Variants in MBOAT7 observed in about 807,000 individuals in gnomAD.
The protein encoded by MBOAT7 is membrane-bound acylglycerophosphatidylinositol O-acyltransferase MBOAT7.
MBOAT7 carries 40 observed loss-of-function variants against 47.4 expected under a neutral mutation model. That is an observed-to-expected ratio of 0.84 (90% CI 0.66 to 1.10). MBOAT7 has a LOEUF of 1.10. Among genes scored for constraint, MBOAT7 ranks in the 50% least tolerant of loss-of-function variants. MBOAT7 has a pLI of 0.00. For synonymous variants in MBOAT7, 361 were observed against 292.0 expected (o/e 1.24, Z -2.41); for missense variants, 680 against 655.6 (o/e 1.04, Z -0.41).
Position 54,174,011 on chromosome 19 carries a change from G to T in MBOAT7, c.*33C>A. ...CAGCAGCCTGGTTCACAGAATTCCCGGGACCAGCTGGCAGAGGGAGCGTCG... is the reference window on the plus strand; with the variant it reads ...CAGCAGCCTGGTTCACAGAATTCCCTGGACCAGCTGGCAGAGGGAGCGTCG... On this transcript the variant is annotated 3_prime_UTR_variant, in exon 8 of 8. Transcript: ENST00000245615. The T allele has an allele frequency of 6.5e-7, 1 of 1,537,830 alleles. No homozygotes were observed. The highest frequency in any genetic ancestry group is 8.7e-7 in the Non-Finnish European group (1 of 1,147,038).
chr19:54,179,192 C>T, intron 6 of MBOAT7: 1 of 572,378 alleles, frequency 1.7e-6, no homozygotes, highest in Non-Finnish European at 3.1e-6. Flanking sequence ...CCTAATGGGG[C>T]CCGCCACAGC....
chr19:54,173,479 A>G lies in MBOAT7; in HGVS notation c.*565T>C. ...GACCTGTCATAGGCCAAGCGATGAG[A>G]AGAGGGCGCCAGGAGTGCTGGGGTC... On this transcript the variant is annotated 3_prime_UTR_variant, in exon 8 of 8. Transcript: ENST00000245615. 1 of 200,076 alleles carries G rather than the reference A, an allele frequency of 5.0e-6. No individual in the cohort carries two copies. Among genetic ancestry groups the G allele is most frequent in the Non-Finnish European group, 1.0e-5 (1 of 98,202 alleles). 12.4% of individuals were successfully genotyped at this position (200,076 alleles called of 1,614,324 possible).
In MBOAT7 at chr19:54,176,758, G is replaced by A. The variant is rs762369530; in HGVS notation, c.1031+2007C>T. On this transcript the variant is annotated intron_variant, in intron 7 of 7. Coordinates refer to ENST00000245615, the MANE Select transcript of MBOAT7 (RefSeq NM_024298.5). ...TGGCCTCAGCCCCAGAGCTTTAAGC[G>A]TCATCTATACCTGGCCAGATGCAGT... Among the ~76,000 whole-genome samples, 16 of 152,074 alleles carry A rather than the reference G, an allele frequency of 1.1e-4. No individual in the cohort carries two copies. In the East Asian group the frequency reaches 1.2e-3, roughly 11 times the overall value.
Position 54,180,611 on chromosome 19 carries a change from G to T in MBOAT7, c.854+162C>A, listed in dbSNP as rs1249156039. The T allele has an allele frequency of 1.5e-6, 1 of 659,720 alleles. No homozygotes were observed. Among genetic ancestry groups the T allele is most frequent in the Non-Finnish European group, 2.5e-6 (1 of 400,492 alleles). The allele number at this position is 659,720 out of a possible 1,614,324, so 40.9% of individuals were successfully genotyped here. On this transcript the variant is annotated intron_variant, in intron 6 of 7. Transcript: ENST00000245615. The surrounding 1 kb of genome is among the most constrained non-coding windows in gnomAD (Gnocchi z 5.2). ...CAGTACCAGGGATCTTTTCCCTACC[G>T]ACAGGGGCTGGCAGGCCATGGTTGC...
At chr19:54,175,014 C>A (rs1347856997) in intron 7 of MBOAT7, among the ~76,000 whole-genome samples, 1 of 140,312 alleles carries the variant, frequency 7.1e-6, no homozygotes, top group African/African-American at 2.7e-5. Context: ...CTCGCTCTGT[C>A]GCCCAGGCTA....
chr19:54,177,814 C>T (rs1234826143), intron 7 of MBOAT7, among the ~76,000 whole-genome samples: 2 of 150,522 alleles, frequency 1.3e-5, no homozygotes, highest in East Asian at 3.9e-4. Context: ...ATTGCCCTGA[C>T]CTCAAGATGA....
chr19:54,178,310 G>A lies in MBOAT7; in HGVS notation c.1031+455C>T, dbSNP rs1600641173. On this transcript the variant is annotated intron_variant, in intron 7 of 7. Transcript: ENST00000245615. ...GAAAAACAATAAAAATGAATACACA[G>A]CACGCACTTACCTGTCAGGCCTCAC... 4.9e-6 allele frequency: 5 copies of A among 1,027,504 alleles called. No individual in the cohort carries two copies. The East Asian group carries it at 4.4e-4, about 90-fold the overall frequency. 63.6% of individuals were successfully genotyped at this position (1,027,504 alleles called of 1,614,324 possible).
intron 5 of MBOAT7, among the ~76,000 whole-genome samples, chr19:54,182,371 G>A (rs1461110859): frequency 6.6e-6 from 1 of 152,174 alleles, no homozygotes; most frequent in Non-Finnish European, 1.5e-5. Context: ...AGGGATGGAT[G>A]GAGGTTTGTG....
intron 7 of MBOAT7, among the ~76,000 whole-genome samples, chr19:54,176,386 T>C (rs1438225510): frequency 6.6e-6 from 1 of 151,984 alleles, no homozygotes; most frequent in Non-Finnish European, 1.5e-5. Context: ...TCCCAGCACT[T>C]TGGGAGGCTA....
In MBOAT7 at chr19:54,188,288, G is replaced by A. The variant is rs918127608; in HGVS notation, c.135C>T (p.Thr45=). ...AAVGLGLTLF[T]CGPHTLHSLV... is the part of the protein sequence containing the mutation. ...GAGAATGCAAAGTGTGGGGGCCACA[G>A]GTGAACAGGGTGAGCCCCAGGCCCA... Residue 45 remains threonine, a synonymous_variant, in exon 3 of 8, where the codon ACC becomes ACT. Transcript: ENST00000245615. 2.5e-6 allele frequency: 4 copies of A among 1,614,014 alleles called. No homozygotes were observed. The highest frequency in any genetic ancestry group is 2.2e-5 in the East Asian group (1 of 44,862).
At position 54,180,085 on chromosome 19, in the gene MBOAT7, G is replaced by C. The variant is rs2076221293; in HGVS notation, c.854+688C>G. Reference sequence around the variant, plus strand: ...AGGGTCAACCCATAGTTTCCAGGGGGAGGTTTGGCTTCCTTAGCAACAGTG... The same window carrying C: ...AGGGTCAACCCATAGTTTCCAGGGGCAGGTTTGGCTTCCTTAGCAACAGTG... On this transcript the variant is annotated intron_variant, in intron 6 of 7. Transcript: ENST00000245615. This position sits in a 1 kb window ranked among gnomAD's most constrained non-coding sequence, Gnocchi z 5.2. 6.6e-6 allele frequency: 1 copy of C among 152,378 alleles called. No individual in the cohort carries two copies. The highest frequency in any genetic ancestry group is 1.5e-5 in the Non-Finnish European group (1 of 68,068). The allele number at this position is 152,378 out of a possible 1,614,324, so 9.4% of individuals were successfully genotyped here.
chr19:54,181,658 G>A (rs2076275590), intron 5 of MBOAT7, among the ~76,000 whole-genome samples: 1 of 116,356 alleles, frequency 8.6e-6, no homozygotes, highest in Non-Finnish European at 1.8e-5. Context: ...AAGAAGGGAA[G>A]AAAGAAGGGA....
intron 7 of MBOAT7, chr19:54,178,214 TTC>T: frequency 1.0e-6 from 1 of 987,024 alleles, no homozygotes; most frequent in Non-Finnish European, 1.2e-6. Context: ...CCGGCTGAGT[TTC>T]TGCTTCTAAA....
intron 7 of MBOAT7, chr19:54,178,358 T>C: frequency 2.7e-6 from 3 of 1,097,236 alleles, no homozygotes; most frequent in Non-Finnish European, 3.3e-6. Flanking sequence ...TCACATTTTA[T>C]CACATTTAGT....
In MBOAT7 at chr19:54,180,972, C is replaced by T. The variant is rs751978674; in HGVS notation, c.655G>A (p.Glu219Lys). 46 of 1,571,830 alleles carry T rather than the reference C, an allele frequency of 2.9e-5. No homozygotes were observed. The highest frequency in any genetic ancestry group is 3.7e-5 in the Non-Finnish European group (43 of 1,160,022). ...SHLFPLEAVREDAFYARPLPA... is the reference protein window; with the variant it reads ...SHLFPLEAVRKDAFYARPLPA... Reference sequence around the variant, plus strand: ...AGCGGGCGGGCGTAGAAGGCGTCCTCGCGCACGGCCTCCAGCGGGAAGAGG... The same window carrying T: ...AGCGGGCGGGCGTAGAAGGCGTCCTTGCGCACGGCCTCCAGCGGGAAGAGG... The change falls in exon 6 of 8, where the codon GAG becomes AAG. Residue 219 changes from glutamate (E) to lysine (K), a missense_variant. Physicochemically the swap from Glu to Lys is moderately conservative, Grantham distance 56. Transcript: ENST00000245615. The surrounding 1 kb of genome is among the most constrained non-coding windows in gnomAD (Gnocchi z 5.2).
chr19:54,175,776 G>A (rs1250880256), intron 7 of MBOAT7, among the ~76,000 whole-genome samples: 1 of 152,244 alleles, frequency 6.6e-6, no homozygotes, highest in Middle Eastern at 3.4e-3. Context: ...CCATGCTGGA[G>A]TGCAGTGGTG....
intron 5 of MBOAT7, among the ~76,000 whole-genome samples, chr19:54,181,684 A>ACGG (rs2076277221): frequency 9.1e-6 from 1 of 109,502 alleles, no homozygotes; most frequent in African/African-American, 4.0e-5. Context: ...GGAGGGAAGG[A>ACGG]AGGAGGGAGG....
At position 54,181,061 on chromosome 19, in the gene MBOAT7, C is replaced by T. The variant is rs1026364627; in HGVS notation, c.566G>A (p.Arg189Gln). The T allele has an allele frequency of 1.2e-5, 18 of 1,538,980 alleles. No homozygotes were observed. Among genetic ancestry groups the T allele is most frequent in the Non-Finnish European group, 1.5e-5 (17 of 1,142,506 alleles). The change falls in exon 6 of 8, where the codon CGG (arginine) becomes CAG (glutamine). Residue 189 changes from arginine to glutamine, a missense_variant. Arg to Gln is a conservative substitution (Grantham distance 43). Coordinates refer to ENST00000245615, the MANE Select transcript of MBOAT7 (RefSeq NM_024298.5). ...CGGCCAGGCGCGGCGCAGCAGGGGC[C>T]GCAGGCTGGGCACTGCCCCGGGGAA... ...QPFPGAVPSL[R>Q]PLLRRAWPAP...
chr19:54,182,695 C>A (rs2076322556), intron 5 of MBOAT7, among the ~76,000 whole-genome samples: 1 of 152,044 alleles, frequency 6.6e-6, no homozygotes, highest in South Asian at 2.1e-4. Context: ...CACACATGCA[C>A]ACACACATAC....
Sources: allele counts gnomAD v4.1 joint callset (sites outside exome capture counted in the v4.1 genomes callset), GRCh38; gene constraint gnomAD v4.1.1; non-coding constraint Gnocchi (gnomAD v3.1); transcripts MANE v1.5; gene names NCBI Gene and HGNC (gene_info 2026-07-23, HGNC 2026-07-21).